The following KANK1 variants were observed in gnomAD, a reference collection of about 807,000 sequenced individuals.
KANK1 encodes KN motif and ankyrin repeat domains 1.
A neutral mutation model predicts 106.2 loss-of-function variants in KANK1; 109 were observed. The observed-to-expected ratio is 1.03, with a 90% CI of 0.88 to 1.20. The LOEUF (loss-of-function observed/expected upper bound fraction) is 1.20. KANK1 is among the 50% of genes most tolerant of loss of function. KANK1 has a pLI of 0.00. For synonymous variants in KANK1, 873 were observed against 652.2 expected (o/e 1.34, Z -5.16); for missense variants, 2,399 against 1,710.7 (o/e 1.40, Z -7.10).
Position 589,655 on chromosome 9 carries a change from G to T in KANK1, c.-84+84901G>T, listed in dbSNP as rs976270458. Among the ~76,000 whole-genome samples the T allele has an allele frequency of 2.4e-4, 36 of 152,174 alleles. No homozygotes were observed. In the Middle Eastern group the frequency reaches 0.017, roughly 72 times the overall value. Reference sequence around the variant, plus strand: ...AATGCGTCCCCTGAGCCAGGAAGGAGGGAGGAGATGGAGCAAGTAGACACA... The same window carrying T: ...AATGCGTCCCCTGAGCCAGGAAGGATGGAGGAGATGGAGCAAGTAGACACA... On this transcript the variant is annotated intron_variant, in intron 1 of 11. Coordinates refer to ENST00000382297, the MANE Select transcript of KANK1 (RefSeq NM_015158.5).
chr9:712,065 G>A lies in KANK1; in HGVS notation c.1299G>A (p.Met433Ile), dbSNP rs1192925343. Residue 433 changes from methionine (M) to isoleucine (I), a missense_variant, in exon 3 of 12, where the codon ATG becomes ATA. Coordinates refer to ENST00000382297, the MANE Select transcript of KANK1 (RefSeq NM_015158.5). Reference protein sequence around the residue: ...KDAAVGTLVEMRNCGVSVTEA... With the variant: ...KDAAVGTLVEIRNCGVSVTEA... ...CAGCTGTAGGGACACTTGTTGAGAT[G>A]AGAAATTGTGGGGTCAGCGTGACAG... The A allele has an allele frequency of 3.7e-6, 6 of 1,614,204 alleles. No individual in the cohort carries two copies. The highest frequency in any genetic ancestry group is 1.1e-5 in the South Asian group (1 of 91,082).
intron 1 of KANK1, among the ~76,000 whole-genome samples, chr9:543,153 TTAA>T (rs1587664782): frequency 6.6e-6 from 1 of 152,158 alleles, no homozygotes; most frequent in African/African-American, 2.4e-5. Flanking sequence ...AATTATAACC[TTAA>T]TAAAAGTGGG....
intron 1 of KANK1, among the ~76,000 whole-genome samples, chr9:666,174 C>G (rs1206411365): frequency 1.3e-5 from 2 of 150,938 alleles, no homozygotes; most frequent in East Asian, 1.9e-4. Context: ...GAGCAAAACC[C>G]TGTCTCAAAA....
intron 1 of KANK1, among the ~76,000 whole-genome samples, chr9:649,149 C>G (rs1051127260): frequency 6.6e-6 from 1 of 152,042 alleles, no homozygotes; most frequent in East Asian, 1.9e-4. Flanking sequence ...ATGTAAGATA[C>G]GTGTTGTATA....
At chr9:611,383 G>T (rs944438557) in intron 1 of KANK1, among the ~76,000 whole-genome samples, 11 of 152,176 alleles carry the variant, frequency 7.2e-5, no homozygotes, top group Non-Finnish European at 1.5e-5. Context: ...AGGATTCAGT[G>T]TAGGACATAG....
intron 1 of KANK1, among the ~76,000 whole-genome samples, chr9:516,136 C>G (rs1222873974): frequency 4.6e-5 from 7 of 151,514 alleles, no homozygotes. Flanking sequence ...CTGTAAGGTA[C>G]TTACAGGTGT....
At chr9:507,885 C>T (rs960217086) in intron 1 of KANK1, among the ~76,000 whole-genome samples, 4 of 151,806 alleles carry the variant, frequency 2.6e-5, no homozygotes, top group African/African-American at 7.3e-5. Context: ...GGGGTTTCAC[C>T]GTGTTGGTCA....
intron 1 of KANK1, chr9:540,571 A>G (rs2060542485): frequency 6.6e-6 from 1 of 152,166 alleles, no homozygotes; most frequent in African/African-American, 2.4e-5. Flanking sequence ...AGTTGTTGGA[A>G]AGAGTTTAAG....
chr9:590,640 A>AT (rs71314715), intron 1 of KANK1, among the ~76,000 whole-genome samples: 58,649 of 146,792 alleles, frequency 0.4, 13,528 homozygotes, highest in South Asian at 0.54. Context: ...TCTTCCGGAG[A>AT]TTTTTTTTTT....
intron 7 of KANK1, chr9:735,846 T>G (rs574821633): frequency 6.4e-5 from 21 of 328,930 alleles, no homozygotes; most frequent in South Asian, 4.6e-4. Flanking sequence ...ATACAAAAAG[T>G]TAGCCAGGCA....
intron 3 of KANK1, among the ~76,000 whole-genome samples, chr9:729,687 T>A (rs1383990724): frequency 1.3e-5 from 2 of 152,186 alleles, no homozygotes; most frequent in Non-Finnish European, 1.5e-5. Flanking sequence ...TCACATTTTG[T>A]TTTAGCTGGA....
chr9:638,634 G>A (rs564583662), intron 1 of KANK1, among the ~76,000 whole-genome samples: 60 of 152,182 alleles, frequency 3.9e-4, no homozygotes, highest in African/African-American at 1.4e-3. Flanking sequence ...TTACCTCCAG[G>A]TTCTGGGCAA....
intron 3 of KANK1, among the ~76,000 whole-genome samples, chr9:481,500 A>G (rs975221803): frequency 2.0e-5 from 3 of 152,190 alleles, no homozygotes; most frequent in Non-Finnish European, 2.9e-5. Flanking sequence ...GTGGTAGGAG[A>G]AAGTGGAGTT....
rs1430830359 is a variant in KANK1 at position 732,461 on chromosome 9, A to T, written c.3089A>T (p.Tyr1030Phe). ...ESDDECDVIEYPLEEEEEEED... is the reference protein window; with the variant it reads ...ESDDECDVIEFPLEEEEEEED... ...GATGACGAGTGTGATGTCATTGAGT[A>T]TCCTCTTGAAGAAGAGGAGGAGGAG... The change falls in exon 6 of 12, where the codon TAT becomes TTT. Residue 1030 changes from tyrosine (Y) to phenylalanine (F), a missense_variant. Transcript: ENST00000382297. The T allele has an allele frequency of 3.7e-6, 6 of 1,614,092 alleles. No individual in the cohort carries two copies. The highest frequency in any genetic ancestry group is 5.1e-6 in the Non-Finnish European group (6 of 1,179,976).
At chr9:568,194 T>C (rs1818278526) in intron 1 of KANK1, among the ~76,000 whole-genome samples, 1 of 152,192 alleles carries the variant, frequency 6.6e-6, no homozygotes, top group African/African-American at 2.4e-5. Context: ...ATGTTAAAAA[T>C]CAACTTCTCA....
Position 661,982 on chromosome 9 carries a change from T to G in KANK1, c.-83-14908T>G, listed in dbSNP as rs193064656. Among the ~76,000 whole-genome samples the G allele has an allele frequency of 1.6e-3, 244 of 152,360 alleles. 1 individual carries two copies. The East Asian group carries it at 0.032, about 20-fold the overall frequency. On this transcript the variant is annotated intron_variant, in intron 1 of 11. Coordinates refer to ENST00000382297, the MANE Select transcript of KANK1 (RefSeq NM_015158.5). ...CTTTTTGATGGGGTTGTTTGATTTT[T>G]TCTTGTAAATTTGTTTAAGTTCTTT...
chr9:510,923 G>A (rs1418934040), intron 1 of KANK1, among the ~76,000 whole-genome samples: 1 of 152,120 alleles, frequency 6.6e-6, no homozygotes, highest in South Asian at 2.1e-4. Context: ...CCTTCATTCA[G>A]AATAAGCCAA....
In KANK1 at chr9:732,480, G is replaced by A; in HGVS notation, c.3108G>A (p.Glu1036=). Residue 1036 remains glutamate, a synonymous_variant, in exon 6 of 12, where the codon GAG becomes GAA. Transcript: ENST00000382297. ...TTGAGTATCCTCTTGAAGAAGAGGAGGAGGAGGAGGATGAAGACACTCGGG... is the reference window on the plus strand; with the variant it reads ...TTGAGTATCCTCTTGAAGAAGAGGAAGAGGAGGAGGATGAAGACACTCGGG... ...DVIEYPLEEE[E]EEEDEDTRGM... 6.2e-7 allele frequency: 1 copy of A among 1,614,050 alleles called. No homozygotes were observed. Among genetic ancestry groups the A allele is most frequent in the Non-Finnish European group, 8.5e-7 (1 of 1,179,954 alleles).
chr9:505,400 G>A (rs2058706219), intron 1 of KANK1, among the ~76,000 whole-genome samples: 1 of 152,246 alleles, frequency 6.6e-6, no homozygotes, highest in African/African-American at 2.4e-5. Context: ...CCAACCCGGC[G>A]CGGGCAGCGT....
Sources: gnomAD v4.1 joint callset for allele counts (sites outside exome capture counted in the v4.1 genomes callset) on GRCh38, gnomAD v4.1.1 for gene constraint, MANE v1.5 for transcripts, NCBI Gene and HGNC (gene_info 2026-07-23, HGNC 2026-07-21) for gene names.